The following HMCN1 variants were observed in gnomAD, a reference collection of about 807,000 sequenced individuals.
The protein encoded by HMCN1 is hemicentin 1, also known as hemicentin-1.
HMCN1 carries 321 observed loss-of-function variants against 625.9 expected under a neutral mutation model. That is an observed-to-expected ratio of 0.51 (90% CI 0.47 to 0.56). The LOEUF (loss-of-function observed/expected upper bound fraction) is 0.56. Ranked by LOEUF, HMCN1 falls within the 20% of genes least tolerant of loss-of-function variation. The pLI is 0.00. For synonymous variants in HMCN1, 2,425 were observed against 2,417.6 expected, an observed-to-expected ratio of 1.00 and a Z score of -0.09; for missense variants, 6,588 against 6,887.3, an observed-to-expected ratio of 0.96 and a Z score of 1.54.
chr1:186,080,468 C>A (rs189342972), intron 55 of HMCN1, among the ~76,000 whole-genome samples: 1 of 152,156 alleles, frequency 6.6e-6, no homozygotes, highest in Non-Finnish European at 1.5e-5. Context: ...CTATGGGTAA[C>A]GTGATTTTTC....
intron 4 of HMCN1, among the ~76,000 whole-genome samples, chr1:185,882,866 G>A (rs903114695): frequency 2.6e-5 from 4 of 152,026 alleles, no homozygotes; most frequent in African/African-American, 7.2e-5. Flanking sequence ...TGGTGAGGGA[G>A]AGCATTTACA....
At chr1:186,021,105 A>G (rs1304343193) in intron 35 of HMCN1, among the ~76,000 whole-genome samples, 3 of 152,130 alleles carry the variant, frequency 2.0e-5, no homozygotes, top group Admixed American at 1.3e-4. Context: ...ATAGAAATTT[A>G]GACTCATATG....
intron 35 of HMCN1, among the ~76,000 whole-genome samples, chr1:186,022,148 A>G (rs1195844029): frequency 6.6e-6 from 1 of 152,134 alleles, no homozygotes; most frequent in Non-Finnish European, 1.5e-5. Context: ...GATTGCTGGA[A>G]GGACACATGT....
chr1:186,049,323 C>A (rs1656790537), intron 42 of HMCN1, among the ~76,000 whole-genome samples: 1 of 152,002 alleles, frequency 6.6e-6, no homozygotes, highest in African/African-American at 2.4e-5. Context: ...TAAGGTAATT[C>A]TCATACATAG....
At position 186,166,318 on chromosome 1, in the gene HMCN1, A is replaced by G; in HGVS notation, c.15439+15A>G. 1.2e-6 allele frequency: 2 copies of G among 1,614,066 alleles called. No individual in the cohort carries two copies. The highest frequency in any genetic ancestry group is 1.7e-6 in the Non-Finnish European group (2 of 1,179,964). On this transcript the variant is annotated intron_variant, in intron 99 of 106. Coordinates refer to ENST00000271588, the MANE Select transcript of HMCN1 (RefSeq NM_031935.3). ...AACTTGTCAAGGTATTCACAAATCT[A>G]ATACACACATTTAAGCAATGGGTCA...
chr1:185,780,945 C>T (rs569706242), intron 1 of HMCN1, among the ~76,000 whole-genome samples: 1 of 152,184 alleles, frequency 6.6e-6, no homozygotes, highest in South Asian at 2.1e-4. Context: ...CGTTGTACCT[C>T]TGGTAGAATT....
chr1:186,028,847 C>A (rs1300652667), intron 36 of HMCN1, among the ~76,000 whole-genome samples: 1 of 151,700 alleles, frequency 6.6e-6, no homozygotes, highest in East Asian at 1.9e-4. Flanking sequence ...GCCTCAGCCT[C>A]CTGAGTAGCT....
intron 1 of HMCN1, among the ~76,000 whole-genome samples, chr1:185,828,116 T>C (rs962337533): frequency 8.5e-5 from 13 of 152,120 alleles, no homozygotes; most frequent in African/African-American, 3.1e-4. Flanking sequence ...CTAAAAAGTA[T>C]ACAACAAAAA....
At chr1:185,983,239 A>G (rs142049463) in intron 18 of HMCN1, among the ~76,000 whole-genome samples, 10 of 152,258 alleles carry the variant, frequency 6.6e-5, no homozygotes, top group African/African-American at 2.4e-4. Context: ...TAAATAAGCT[A>G]TCTATGGCAA....
At position 186,190,537 on chromosome 1, in the gene HMCN1, T is replaced by G. The variant is rs534329426; in HGVS notation, c.*659T>G. ...AGATCAGCTGAACCACTTATGATAA[T>G]AATAATAAAAAAGACTGCTTTGCCC... On this transcript the variant is annotated 3_prime_UTR_variant, in exon 107 of 107. Transcript: ENST00000271588. The G allele has an allele frequency of 4.0e-5, 8 of 202,066 alleles. No homozygotes were observed. The South Asian group carries it at 1.5e-3, about 39-fold the overall frequency. 12.5% of individuals were successfully genotyped at this position (202,066 alleles called of 1,614,324 possible). A position where few individuals can be genotyped will look rare whatever the true frequency, so the allele number is the denominator to read the frequency against.
chr1:186,174,265 G>GAAAA (rs1652424069), intron 102 of HMCN1, among the ~76,000 whole-genome samples: 1 of 152,058 alleles, frequency 6.6e-6, no homozygotes, highest in Non-Finnish European at 1.5e-5. Context: ...TAGAGAAGGA[G>GAAAA]AAAAAAAGAA....
At chr1:186,147,549 T>G (rs1192136440) in intron 93 of HMCN1, among the ~76,000 whole-genome samples, 3 of 152,204 alleles carry the variant, frequency 2.0e-5, no homozygotes, top group Non-Finnish European at 4.4e-5. Context: ...TTACTGATTT[T>G]TCTGAGGCTG....
Position 186,112,823 on chromosome 1 carries a change from A to C in HMCN1, c.11001A>C (p.Arg3667=), listed in dbSNP as rs904728437. 1 of 1,614,078 alleles carries C rather than the reference A, an allele frequency of 6.2e-7. No homozygotes were observed. Among genetic ancestry groups the C allele is most frequent in the African/African-American group, 1.3e-5 (1 of 74,948 alleles). Residue 3667 remains arginine (R), a synonymous_variant, in exon 72 of 107, where the codon CGA becomes CGC. Transcript: ENST00000271588. ...RNGERLQATP[R]VRILSGGRYL... is the part of the protein sequence containing the mutation. ...CTTGCTGAATCCAGGCAACACCTCG[A>C]GTGCGAATCCTATCTGGAGGGAGAT...
chr1:185,891,047 TC>T lies in HMCN1; in HGVS notation c.622-18287del, dbSNP rs1378664804. ...TAGTTAGCTCTTCTTGTTGAATTGA[TC>T]CCTTTACCATTATGTAATGGCCTTC... On this transcript the variant is annotated intron_variant, in intron 4 of 106. Transcript: ENST00000271588. 1.9e-4 allele frequency among the ~76,000 whole-genome samples: 8 copies of T among 41,976 alleles called. 1 individual carries two copies. In the South Asian group the frequency reaches 6.7e-3, roughly 35 times the overall value. The allele number at this position is 41,976 out of a possible 152,430, so 27.5% of individuals were successfully genotyped here.
chr1:185,837,812 T>C (rs1661259028), intron 1 of HMCN1, among the ~76,000 whole-genome samples: 1 of 152,206 alleles, frequency 6.6e-6, no homozygotes, highest in Non-Finnish European at 1.5e-5. Flanking sequence ...TTTGTATTTG[T>C]CTTTTCTGGT....
Position 186,095,297 on chromosome 1 carries a change from G to A in HMCN1, c.10349G>A (p.Gly3450Asp), listed in dbSNP as rs151088932. The A allele has an allele frequency of 1.2e-6, 2 of 1,613,760 alleles. No homozygotes were observed. ...MGTEEITVLK[G>D]SSTSMACITD... ...ACAGAGGAAATCACAGTTCTCAAAG[G>A]TAGTTCCACCTCTATGGCATGCATT... Residue 3450 changes from glycine to aspartate, a missense_variant, in exon 68 of 107, where the codon GGT becomes GAT. Coordinates refer to ENST00000271588, the MANE Select transcript of HMCN1 (RefSeq NM_031935.3).
intron 1 of HMCN1, among the ~76,000 whole-genome samples, chr1:185,807,157 A>G (rs2102237352): frequency 6.6e-6 from 1 of 152,346 alleles, no homozygotes; most frequent in African/African-American, 2.4e-5. Context: ...ATCTAAGAAC[A>G]TTCAAAATCC....
intron 100 of HMCN1, among the ~76,000 whole-genome samples, chr1:186,168,822 G>A (rs1407070008): frequency 6.6e-6 from 1 of 151,978 alleles, no homozygotes; most frequent in Non-Finnish European, 1.5e-5. Flanking sequence ...GTGCAGGTTT[G>A]TTACGTAGCA....
chr1:186,122,734 A>G (rs1432473823), intron 80 of HMCN1, among the ~76,000 whole-genome samples: 4 of 152,198 alleles, frequency 2.6e-5, no homozygotes, highest in Admixed American at 2.0e-4. Context: ...ATCGACTATC[A>G]CTTAACATTT....
Sources: allele counts gnomAD v4.1 joint callset (sites outside exome capture counted in the v4.1 genomes callset), GRCh38; gene constraint gnomAD v4.1.1; transcripts MANE v1.5; gene names NCBI Gene and HGNC (gene_info 2026-07-23, HGNC 2026-07-21).